Variants in GANC observed in about 807,000 individuals in gnomAD.
GANC encodes the protein glucosidase alpha, neutral C.
Under a neutral mutation model 124.2 loss-of-function variants are expected in GANC, and 117 were observed. The ratio of observed to expected loss-of-function variants is 0.94; its 90% confidence interval spans 0.81 to 1.10. The LOEUF (loss-of-function observed/expected upper bound fraction) is 1.10, where lower values mean the gene tolerates loss of function less well. GANC is among the 50% of genes least tolerant of loss of function. The pLI, the probability that GANC is intolerant of heterozygous loss-of-function variation, is 0.00. For synonymous variants in GANC, 377 were observed against 376.8 expected (o/e 1.00, Z -0.01); for missense variants, 1,140 against 1,095.0 (o/e 1.04, Z -0.58).
At chr15:42,344,322 G>A (rs2052347899) in intron 19 of GANC, among the ~76,000 whole-genome samples, 1 of 152,146 alleles carries the variant, frequency 6.6e-6, no homozygotes. Flanking sequence ...AGCTTCTGGA[G>A]GTTGCCAGCA....
chr15:42,345,012 G>A (rs1252361383), intron 19 of GANC: 1 of 152,144 alleles, frequency 6.6e-6, no homozygotes, highest in Non-Finnish European at 1.5e-5. Context: ...GGTAATCCCT[G>A]GAGGTGAACT....
At chr15:42,326,663 A>C (rs776364175) in intron 12 of GANC, among the ~76,000 whole-genome samples, 3 of 152,200 alleles carry the variant, frequency 2.0e-5, no homozygotes, top group Non-Finnish European at 2.9e-5. Flanking sequence ...AAACAAGCAA[A>C]CCTCAGTGGC....
intron 15 of GANC, among the ~76,000 whole-genome samples, chr15:42,335,532 A>T (rs1013274700): frequency 1.3e-5 from 2 of 152,258 alleles, no homozygotes; most frequent in Non-Finnish European, 2.9e-5. Context: ...AAAAGCTGGA[A>T]GCATTCCCCT....
At chr15:42,329,199 CA>C (rs2052221150) in intron 13 of GANC, 106 bp from the exon 14 acceptor site, 1 of 1,127,030 alleles carries the variant, frequency 8.9e-7, no homozygotes, top group African/African-American at 1.6e-5. Context: ...GAGCAGAGGA[CA>C]GAGCATAGAT....
At chr15:42,277,987 A>G (rs1329771181) in intron 2 of GANC, 1 of 296,576 alleles carries the variant, frequency 3.4e-6, no homozygotes, top group Non-Finnish European at 7.2e-6. Context: ...TGTATTATAC[A>G]GTATAGCTTT....
At chr15:42,275,544 A>G (rs2051661686) in intron 1 of GANC, among the ~76,000 whole-genome samples, 1 of 151,046 alleles carries the variant, frequency 6.6e-6, no homozygotes, top group South Asian at 2.1e-4. Context: ...CTGACTACAG[A>G]TGCATTCGGC....
chr15:42,337,085 A>G (rs539661624), intron 15 of GANC, among the ~76,000 whole-genome samples: 3 of 152,334 alleles, frequency 2.0e-5, no homozygotes, highest in African/African-American at 4.8e-5. Flanking sequence ...TGTTTCCTCA[A>G]ATAACTAAAA....
intron 14 of GANC, 185 bp downstream of exon 14, chr15:42,329,634 T>C: frequency 2.1e-6 from 1 of 465,538 alleles, no homozygotes; most frequent in Non-Finnish European, 3.7e-6. Flanking sequence ...CCTTTGCTTC[T>C]TTTCTTTTCA....
At chr15:42,341,655 C>T (rs1003191986) in intron 18 of GANC, among the ~76,000 whole-genome samples, 2 of 151,936 alleles carry the variant, frequency 1.3e-5, no homozygotes, top group Non-Finnish European at 2.9e-5. Flanking sequence ...CCTCTGCCTC[C>T]GGGGCTCAAG....
chr15:42,289,933 C>T (rs2051825419), intron 4 of GANC, among the ~76,000 whole-genome samples: 1 of 152,124 alleles, frequency 6.6e-6, no homozygotes, highest in African/African-American at 2.4e-5. Flanking sequence ...AGAGGGACAA[C>T]CACGTGAAGA....
At position 42,352,523 on chromosome 15, in the gene GANC, T is replaced by C; in HGVS notation, c.*384T>C. On this transcript the variant is annotated 3_prime_UTR_variant, in exon 24 of 24. Coordinates refer to ENST00000318010, the MANE Select transcript of GANC (RefSeq NM_198141.3). ...GCCTCAGGCCATGCAGCATTGGCGC[T>C]CTGGCTGCAGCAGCTGAGTTGCTCA... 9.6e-7 allele frequency: 1 copy of C among 1,036,432 alleles called. No individual in the cohort carries two copies. Among genetic ancestry groups the C allele is most frequent in the Non-Finnish European group, 1.2e-6 (1 of 859,736 alleles). 64.2% of individuals were successfully genotyped at this position (1,036,432 alleles called of 1,614,324 possible).
At chr15:42,278,439 A>G (rs1463567365) in intron 2 of GANC, 43 bp from the exon 3 acceptor site, 6 of 1,317,634 alleles carry the variant, frequency 4.6e-6, no homozygotes, top group Admixed American at 2.0e-5. Flanking sequence ...GATACTGACA[A>G]TCACAAATAA....
At chr15:42,286,715 A>G (rs1191497982) in intron 3 of GANC, among the ~76,000 whole-genome samples, 1 of 152,214 alleles carries the variant, frequency 6.6e-6, no homozygotes, top group Non-Finnish European at 1.5e-5. Context: ...TTCCAGTAAC[A>G]TCATGTTTTT....
intron 19 of GANC, chr15:42,345,000 G>A (rs1234033428): frequency 6.6e-6 from 1 of 152,156 alleles, no homozygotes; most frequent in Admixed American, 6.6e-5. Flanking sequence ...TATAAAGGAT[G>A]TGGTAATCCC....
At chr15:42,285,468 G>A (rs1171282511) in intron 3 of GANC, among the ~76,000 whole-genome samples, 1 of 152,168 alleles carries the variant, frequency 6.6e-6, no homozygotes, top group Non-Finnish European at 1.5e-5. Flanking sequence ...AAGGTCTAAG[G>A]AAAGTAGAGC....
chr15:42,336,137 C>CAA (rs112853909), intron 15 of GANC, among the ~76,000 whole-genome samples: 4 of 129,410 alleles, frequency 3.1e-5, no homozygotes, highest in Non-Finnish European at 5.2e-5. Context: ...CATATTGAAC[C>CAA]AAAAAAAAAA....
chr15:42,334,902 C>T (rs564711940), intron 15 of GANC, among the ~76,000 whole-genome samples: 8 of 152,156 alleles, frequency 5.3e-5, no homozygotes, highest in South Asian at 2.1e-4. Context: ...ATATACCCTC[C>T]TAAGACTGAA....
intron 3 of GANC, chr15:42,280,778 A>C: frequency 1.7e-6 from 1 of 605,498 alleles, no homozygotes; most frequent in East Asian, 2.7e-5. Flanking sequence ...CACCCGGAAT[A>C]TCAGTGGTGA....
At chr15:42,336,440 TTGAAAC>T (rs1326135976) in intron 15 of GANC, among the ~76,000 whole-genome samples, 1 of 152,182 alleles carries the variant, frequency 6.6e-6, no homozygotes, top group Non-Finnish European at 1.5e-5. Flanking sequence ...ATGCAGAAGA[TTGAAAC>T]TGGACTCCTT....
Sources: allele counts gnomAD v4.1 joint callset (sites outside exome capture counted in the v4.1 genomes callset), GRCh38; gene constraint gnomAD v4.1.1; transcripts MANE v1.5; gene names NCBI Gene and HGNC (gene_info 2026-07-23, HGNC 2026-07-21).